Variants in PLCE1 observed in about 807,000 individuals in gnomAD.
PLCE1 encodes the protein 1-phosphatidylinositol 4,5-bisphosphate phosphodiesterase epsilon-1.
Under a neutral mutation model 242.8 loss-of-function variants are expected in PLCE1, and 119 were observed. The ratio of observed to expected loss-of-function variants is 0.49; its 90% CI spans 0.42 to 0.57. The LOEUF (loss-of-function observed/expected upper bound fraction) is 0.57, where lower values mean the gene tolerates loss of function less well. Among genes scored for constraint, PLCE1 ranks in the 20% least tolerant of loss-of-function variants. The pLI, the probability that PLCE1 is intolerant of heterozygous loss-of-function variation, is 0.00. For missense variants in PLCE1, 2,441 were observed against 2,788.8 expected, an observed-to-expected ratio of 0.88 and a Z score of 2.81; for synonymous variants, 945 against 1,017.4, an observed-to-expected ratio of 0.93 and a Z score of 1.35.
At chr10:94,139,984 T>C (rs1319799039) in intron 3 of PLCE1, among the ~76,000 whole-genome samples, 1 of 152,198 alleles carries the variant, frequency 6.6e-6, no homozygotes, top group Non-Finnish European at 1.5e-5. Flanking sequence ...TGCAGATTGG[T>C]AGTCTAGTTT....
chr10:94,130,852 T>C (rs2046579064), intron 2 of PLCE1, among the ~76,000 whole-genome samples: 1 of 152,130 alleles, frequency 6.6e-6, no homozygotes, highest in Non-Finnish European at 1.5e-5. Context: ...GAGTGAGATT[T>C]GGAGGATGCA....
intron 4 of PLCE1, among the ~76,000 whole-genome samples, chr10:94,204,893 A>G (rs1230978566): frequency 6.6e-6 from 1 of 152,132 alleles, no homozygotes; most frequent in Non-Finnish European, 1.5e-5. Context: ...TTTTGACCAT[A>G]TTTTATATTG....
intron 4 of PLCE1, among the ~76,000 whole-genome samples, chr10:94,219,006 G>A (rs1038450333): frequency 6.8e-6 from 1 of 146,658 alleles, no homozygotes; most frequent in Admixed American, 6.8e-5. Flanking sequence ...ATTATTAATT[G>A]TTAATTTTAT....
intron 4 of PLCE1, among the ~76,000 whole-genome samples, chr10:94,215,629 A>T (rs1433307676): frequency 6.6e-6 from 1 of 152,188 alleles, no homozygotes; most frequent in African/African-American, 2.4e-5. Context: ...CCAGGTAAGA[A>T]TGTCCAGTTC....
chr10:94,283,507 T>C (rs1410710255), intron 20 of PLCE1: 3 of 348,382 alleles, frequency 8.6e-6, no homozygotes, highest in African/African-American at 6.4e-5. Flanking sequence ...ATTGGCATCT[T>C]CATTTAGATT....
At chr10:94,216,656 T>A (rs2049539446) in intron 4 of PLCE1, among the ~76,000 whole-genome samples, 1 of 151,504 alleles carries the variant, frequency 6.6e-6, no homozygotes, top group Non-Finnish European at 1.5e-5. Flanking sequence ...CTCCCACACA[T>A]TCTTCTCTAA....
chr10:94,088,783 A>G (rs2135336352), intron 2 of PLCE1, among the ~76,000 whole-genome samples: 1 of 152,220 alleles, frequency 6.6e-6, no homozygotes, highest in East Asian at 1.9e-4. Flanking sequence ...TTTAAACTTG[A>G]CTAAAACAGT....
Position 94,106,912 on chromosome 10 carries a change from T to TTCTCTCTCTCTCTCTCTCTCTCTCTCTC in PLCE1, c.1207-25257_1207-25230dup, listed in dbSNP as rs771182277. ...GACTGGTGCTCGTGTTGTCTCTTGTTTCTCTCTCTCTCTCTCTCTCTCTCT... is the reference window on the plus strand; with the variant it reads ...GACTGGTGCTCGTGTTGTCTCTTGTTTCTCTCTCTCTCTCTCTCTCTCTCTCTCTCTCTCTCTCTCTCTCTCTCTCTCT... On this transcript the variant is annotated intron_variant, in intron 2 of 32. Transcript: ENST00000371380. 6.1e-3 allele frequency among the ~76,000 whole-genome samples: 236 copies of TTCTCTCTCTCTCTCTCTCTCTCTCTCTC among 38,764 alleles called. 70 individuals carry two copies. The highest frequency in any genetic ancestry group is 0.014 in the East Asian group (17 of 1,218). 25.4% of individuals were successfully genotyped at this position (38,764 alleles called of 152,430 possible). A position where few individuals can be genotyped will look rare whatever the true frequency, so the allele number is the denominator to read the frequency against.
At chr10:94,103,260 G>A (rs1046572674) in intron 2 of PLCE1, among the ~76,000 whole-genome samples, 5 of 152,124 alleles carry the variant, frequency 3.3e-5, no homozygotes, top group African/African-American at 7.2e-5. Flanking sequence ...GGCAAACTGA[G>A]GCTTATTTTT....
chr10:94,325,402 C>T, intron 32 of PLCE1: 2 of 310,008 alleles, frequency 6.5e-6, no homozygotes, highest in South Asian at 3.1e-5. Context: ...TCAAGACCAG[C>T]CTGACCAACA....
chr10:94,172,554 C>T (rs940938999), intron 4 of PLCE1, among the ~76,000 whole-genome samples: 5 of 152,100 alleles, frequency 3.3e-5, no homozygotes, highest in Non-Finnish European at 7.4e-5. Flanking sequence ...TGGCAAGGTG[C>T]GGTGGCTCAT....
At chr10:94,274,586 T>C (rs1452401071) in intron 19 of PLCE1, among the ~76,000 whole-genome samples, 5 of 151,962 alleles carry the variant, frequency 3.3e-5, no homozygotes, top group Non-Finnish European at 7.4e-5. Flanking sequence ...GAAACATCAG[T>C]GTGAGGAGCC....
chr10:94,095,912 C>T (rs1339657568), intron 2 of PLCE1, among the ~76,000 whole-genome samples: 2 of 152,144 alleles, frequency 1.3e-5, no homozygotes, highest in East Asian at 3.9e-4. Flanking sequence ...TTTTTGTGGC[C>T]CAGCTCCCAG....
At chr10:94,213,324 C>G (rs548389633) in intron 4 of PLCE1, among the ~76,000 whole-genome samples, 2 of 152,314 alleles carry the variant, frequency 1.3e-5, no homozygotes, top group East Asian at 3.9e-4. Flanking sequence ...GATGATGAAA[C>G]AGCCAATGTC....
chr10:94,089,290 G>A, intron 2 of PLCE1: 1 of 1,614,026 alleles, frequency 6.2e-7, no homozygotes, highest in Non-Finnish European at 8.5e-7. Context: ...TGTCTTGAAG[G>A]TTGGTTGGCT....
At chr10:94,116,150 C>T (rs772454980) in intron 2 of PLCE1, among the ~76,000 whole-genome samples, 7 of 152,166 alleles carry the variant, frequency 4.6e-5, no homozygotes, top group Non-Finnish European at 1.0e-4. Flanking sequence ...TTCTGTCTTT[C>T]GGTGATTCTG....
chr10:94,064,543 A>G (rs907704048), intron 2 of PLCE1, among the ~76,000 whole-genome samples: 5 of 152,262 alleles, frequency 3.3e-5, no homozygotes, highest in Middle Eastern at 3.4e-3. Context: ...CTCTGTCTCA[A>G]AAAAATAATA....
intron 2 of PLCE1, among the ~76,000 whole-genome samples, chr10:94,115,449 G>C (rs1015880838): frequency 2.6e-5 from 4 of 152,150 alleles, no homozygotes; most frequent in Admixed American, 1.3e-4. Flanking sequence ...ACTTTTTAAT[G>C]ATGGCCATTC....
chr10:94,151,770 G>C (rs1285366496), intron 3 of PLCE1, among the ~76,000 whole-genome samples: 1 of 152,182 alleles, frequency 6.6e-6, no homozygotes, highest in African/African-American at 2.4e-5. Flanking sequence ...CAGTAAGGTA[G>C]TGTCCTGAGC....
Sources: allele counts gnomAD v4.1 joint callset (sites outside exome capture counted in the v4.1 genomes callset), GRCh38; gene constraint gnomAD v4.1.1; transcripts MANE v1.5; gene names NCBI Gene and HGNC (gene_info 2026-07-23, HGNC 2026-07-21).